Variants in TNFRSF10C observed in about 807,000 individuals in gnomAD.
TNFRSF10C encodes the protein tumor necrosis factor receptor superfamily member 10C.
TNFRSF10C carries 17 observed loss-of-function variants against 16.7 expected under a neutral mutation model. The ratio of observed to expected loss-of-function variants is 1.02; its 90% CI spans 0.70 to 1.53. The LOEUF (loss-of-function observed/expected upper bound fraction) is 1.53. Ranked by LOEUF, TNFRSF10C falls within the 40% of genes most tolerant of loss-of-function variation. The pLI, the probability that TNFRSF10C is intolerant of heterozygous loss-of-function variation, is 0.00. For synonymous variants in TNFRSF10C, 73 were observed against 119.7 expected, an observed-to-expected ratio of 0.61 and a Z score of 2.55; for missense variants, 237 against 329.7, an observed-to-expected ratio of 0.72 and a Z score of 2.18.
chr8:23,115,408 G>T, intron 3 of TNFRSF10C, 100 bp from the exon 4 acceptor site: 2 of 968,064 alleles, frequency 2.1e-6, no homozygotes, highest in Non-Finnish European at 3.1e-6. Flanking sequence ...AGAACTCCTT[G>T]GTGAACTTGG....
intron 3 of TNFRSF10C, 44 bp downstream of exon 3, chr8:23,114,814 C>A (rs915590646): frequency 3.2e-6 from 5 of 1,552,594 alleles, no homozygotes; most frequent in Non-Finnish European, 3.5e-6. Flanking sequence ...GAGCGTGGGG[C>A]AATGAGGTGG....
chr8:23,106,948 T>G (rs1009921482), intron 1 of TNFRSF10C, among the ~76,000 whole-genome samples: 8 of 150,302 alleles, frequency 5.3e-5, no homozygotes, highest in African/African-American at 2.0e-4. Context: ...AAAAAGGAGA[T>G]TGTCCTATGT....
At chr8:23,111,291 A>T (rs1813873471) in intron 1 of TNFRSF10C, among the ~76,000 whole-genome samples, 1 of 151,244 alleles carries the variant, frequency 6.6e-6, no homozygotes, top group Non-Finnish European at 1.5e-5. Flanking sequence ...ATCTTGGCTC[A>T]CTGCAACCTC....
chr8:23,115,029 T>G (rs1052005912), intron 3 of TNFRSF10C, among the ~76,000 whole-genome samples: 23 of 152,256 alleles, frequency 1.5e-4, no homozygotes, highest in African/African-American at 5.5e-4. Context: ...CCTGGCCCAG[T>G]GGACAGGGCT....
At position 23,103,098 on chromosome 8, in the gene TNFRSF10C, C is replaced by T. The variant is rs753358905; in HGVS notation, c.-24C>T. 1.8e-5 allele frequency: 29 copies of T among 1,606,976 alleles called. No individual in the cohort carries two copies. The highest frequency in any genetic ancestry group is 2.3e-5 in the Non-Finnish European group (27 of 1,177,226). The stretch of plus-strand genomic sequence containing the variant: ...CCGAGGCAGGGTGCGACCCAGGACC[C>T]AGGACGGCGTCGGGAACCATACCAT... On this transcript the variant is annotated 5_prime_UTR_variant, in exon 1 of 5. The change creates a premature stop within an existing upstream ORF in the 5' untranslated region. Coordinates refer to ENST00000356864, the MANE Select transcript of TNFRSF10C (RefSeq NM_003841.5).
At chr8:23,109,875 G>T (rs1175503890) in intron 1 of TNFRSF10C, among the ~76,000 whole-genome samples, 1 of 151,688 alleles carries the variant, frequency 6.6e-6, no homozygotes, top group African/African-American at 2.4e-5. Flanking sequence ...ACCACTCTGG[G>T]CAACATGGCG....
chr8:23,111,225 T>C (rs1211730160), intron 1 of TNFRSF10C, among the ~76,000 whole-genome samples: 2 of 151,996 alleles, frequency 1.3e-5, no homozygotes, highest in African/African-American at 2.4e-5. Flanking sequence ...TTTTCTTTTT[T>C]TTTTTTATTT....
chr8:23,103,098 C>G lies in TNFRSF10C; in HGVS notation c.-24C>G, dbSNP rs753358905. The G allele has an allele frequency of 1.2e-6, 2 of 1,607,094 alleles. No individual in the cohort carries two copies. Among genetic ancestry groups the G allele is most frequent in the East Asian group, 4.5e-5 (2 of 44,644 alleles). On this transcript the variant is annotated 5_prime_UTR_variant, in exon 1 of 5. Transcript: ENST00000356864. ...CCGAGGCAGGGTGCGACCCAGGACCCAGGACGGCGTCGGGAACCATACCAT... is the reference window on the plus strand; with the variant it reads ...CCGAGGCAGGGTGCGACCCAGGACCGAGGACGGCGTCGGGAACCATACCAT...
intron 1 of TNFRSF10C, chr8:23,103,462 A>G (rs1813710123): frequency 1.7e-6 from 1 of 584,238 alleles, no homozygotes. Context: ...TCAAGGTGGA[A>G]CCCATAGAGT....
chr8:23,112,188 T>A (rs952600797), intron 2 of TNFRSF10C, among the ~76,000 whole-genome samples: 4 of 152,240 alleles, frequency 2.6e-5, no homozygotes, highest in Middle Eastern at 3.2e-3. Context: ...CAATGCAGTA[T>A]AGCACTTATT....
rs1813964254 is a variant in TNFRSF10C, at chr8:23,115,543, GAC to G, written c.320_321del (p.Thr107SerfsTer5). 1 of 1,613,286 alleles carries G rather than the reference GAC, an allele frequency of 6.2e-7. No homozygotes were observed. Among genetic ancestry groups the G allele is most frequent in the African/African-American group, 1.3e-5 (1 of 74,916 alleles). ...TAAAAGTTCCTGCACCATGACCAGA[GAC>G]ACAGTGTGTCAGTGTAAAGAAGGCA... ...KHKSSCTMTRDTVCQCKEGTF... is the reference protein window; with the variant it reads ...KHKSSCTMTRXTVCQCKEGTF... On this transcript the variant is annotated frameshift_variant, in exon 4 of 5. Coordinates refer to ENST00000356864, the MANE Select transcript of TNFRSF10C (RefSeq NM_003841.5). LOFTEE classifies it high-confidence loss of function.
intron 1 of TNFRSF10C, among the ~76,000 whole-genome samples, chr8:23,108,657 G>A (rs1438066180): frequency 1.3e-5 from 2 of 152,140 alleles, no homozygotes; most frequent in Non-Finnish European, 2.9e-5. Context: ...CAAAACACAT[G>A]ACACAAAAAT....
chr8:23,112,980 A>G (rs997903706), intron 2 of TNFRSF10C, among the ~76,000 whole-genome samples: 1 of 151,902 alleles, frequency 6.6e-6, no homozygotes, highest in Non-Finnish European at 1.5e-5. Flanking sequence ...AACACTTGTT[A>G]CCTTTTGTCT....
intron 3 of TNFRSF10C, 62 bp from the exon 4 acceptor site, chr8:23,115,446 T>C: frequency 7.0e-7 from 1 of 1,438,432 alleles, no homozygotes; most frequent in Non-Finnish European, 9.7e-7. Context: ...GGGTGGGTGG[T>C]AAGGAAGATC....
At chr8:23,107,465 G>T (rs1381373336) in intron 1 of TNFRSF10C, among the ~76,000 whole-genome samples, 1 of 152,154 alleles carries the variant, frequency 6.6e-6, no homozygotes, top group East Asian at 1.9e-4. Context: ...CAAACTACAT[G>T]CTTCAAAAAT....
At chr8:23,115,673 C>T (rs1813967702) in intron 4 of TNFRSF10C, 57 bp downstream of exon 4, 7 of 1,392,388 alleles carry the variant, frequency 5.0e-6, no homozygotes, top group Non-Finnish European at 7.1e-6. Context: ...AGACCTGAGT[C>T]ACCTGGTACC....
At position 23,111,781 on chromosome 8, in the gene TNFRSF10C, C is replaced by A. The variant is rs2128831019; in HGVS notation, c.122C>A (p.Pro41Gln). The part of the protein sequence containing the change: ...QEEVPQQTVA[P>Q]QQQRHSFKGE... ...GAAGTTCCCCAGCAGACAGTGGCCC[C>A]ACAGCAACAGAGGCACAGCTTCAAG... is the stretch of plus-strand genomic sequence containing the variant. The change falls in exon 2 of 5, where the codon CCA becomes CAA. Residue 41 changes from proline (P) to glutamine (Q), a missense_variant. Pro to Gln is a moderately conservative substitution (Grantham distance 76, BLOSUM62 -1). This residue lies in a region of TNFRSF10C where 212 missense variants were observed against 196.8 expected (regional missense o/e 1.08). Coordinates refer to ENST00000356864, the MANE Select transcript of TNFRSF10C (RefSeq NM_003841.5). 6.2e-7 allele frequency: 1 copy of A among 1,614,164 alleles called. No individual in the cohort carries two copies. Among genetic ancestry groups the A allele is most frequent in the East Asian group, 2.2e-5 (1 of 44,880 alleles).
chr8:23,106,327 T>C (rs981781716), intron 1 of TNFRSF10C, among the ~76,000 whole-genome samples: 47 of 152,118 alleles, frequency 3.1e-4, no homozygotes, highest in African/African-American at 1.1e-3. Context: ...TGCAGGGCCA[T>C]AGGATGTGGT....
chr8:23,106,186 C>T (rs1387449421), intron 1 of TNFRSF10C, among the ~76,000 whole-genome samples: 2 of 144,256 alleles, frequency 1.4e-5, no homozygotes, highest in African/African-American at 5.4e-5. Flanking sequence ...TCCCTGGAGC[C>T]CGCAGTGTGG....
Sources: allele counts gnomAD v4.1 joint callset (sites outside exome capture counted in the v4.1 genomes callset), GRCh38; gene constraint gnomAD v4.1.1; regional missense constraint gnomAD v4.1.1; transcripts MANE v1.5; gene names NCBI Gene and HGNC (gene_info 2026-07-23, HGNC 2026-07-21).